ATP2B3: variants seen among roughly 807,000 people sequenced by gnomAD.
ATP2B3 encodes the protein ATPase plasma membrane Ca2+ transporting 3.
In ATP2B3, 12 loss-of-function variants were observed where a neutral mutation model predicts 70.8. That is an observed-to-expected ratio of 0.17 (90% CI 0.11 to 0.27). The LOEUF (loss-of-function observed/expected upper bound fraction) is 0.27. Ranked by LOEUF, ATP2B3 falls within the 10% of genes least tolerant of loss-of-function variation. The pLI is 1.00. For synonymous variants in ATP2B3, 460 were observed against 497.8 expected (o/e 0.92, Z 1.01); for missense variants, 858 against 1,118.5 (o/e 0.77, Z 3.32).
intron 2 of ATP2B3, among the ~76,000 whole-genome samples, chrX:153,525,734 C>T (rs1382227196): frequency 4.4e-5 from 5 of 112,429 alleles, no homozygotes; most frequent in Non-Finnish European, 7.5e-5. Flanking sequence ...GGGCTGTGGA[C>T]GGGTAGGGCA....
intron 7 of ATP2B3, among the ~76,000 whole-genome samples, 155 bp downstream of exon 7, chrX:153,543,323 C>G (rs1603055302): frequency 8.9e-6 from 1 of 112,278 alleles, no homozygotes; most frequent in South Asian, 3.7e-4. Flanking sequence ...CGTGGAGACT[C>G]CTCTTCTGAG....
intron 21 of ATP2B3, among the ~76,000 whole-genome samples, chrX:153,575,300 CA>C (rs2090841873): frequency 8.9e-6 from 1 of 112,699 alleles, no homozygotes; most frequent in Admixed American, 9.3e-5. Context: ...ACCCCTGCCC[CA>C]GGGGGATTAC....
chrX:153,543,289 G>C, intron 7 of ATP2B3, 121 bp downstream of exon 7: 2 of 968,362 alleles, frequency 2.1e-6, no homozygotes, highest in Non-Finnish European at 2.7e-6. Flanking sequence ...TGGGTGGGAG[G>C]CCGGGCCCTC....
Position 153,569,408 on chromosome X carries a change from G to A in ATP2B3, c.3342+4305G>A, listed in dbSNP as rs1471340308. 1.7e-5 allele frequency: 9 copies of A among 525,767 alleles called. No individual in the cohort carries two copies. The African/African-American group carries it at 1.8e-4, about 11-fold the overall frequency. 43.3% of individuals were successfully genotyped at this position (525,767 alleles called of 1,213,427 possible). A position where few individuals can be genotyped will look rare whatever the true frequency, so the allele number is the denominator to read the frequency against. Reference sequence around the variant, plus strand: ...CATCTGCTCAGCAAACCCTCTCTCGGTGGGTGGCACAGAGGCTGGCCTCAG... The same window carrying A: ...CATCTGCTCAGCAAACCCTCTCTCGATGGGTGGCACAGAGGCTGGCCTCAG... On this transcript the variant is annotated intron_variant, in intron 21 of 21. Transcript: ENST00000263519.
At chrX:153,531,188 C>T (rs2090112499) in intron 2 of ATP2B3, among the ~76,000 whole-genome samples, 1 of 113,012 alleles carries the variant, frequency 8.8e-6, no homozygotes, top group Admixed American at 9.2e-5. Context: ...AGCATCTCGA[C>T]CTGCCTAGGA....
At chrX:153,568,811 A>G (rs900577934) in intron 21 of ATP2B3, among the ~76,000 whole-genome samples, 3 of 112,681 alleles carry the variant, frequency 2.7e-5, no homozygotes, top group East Asian at 2.8e-4. Flanking sequence ...TGGCCACCAC[A>G]TAGCACTGCA....
At position 153,581,999 on chromosome X, in the gene ATP2B3, T is replaced by G. The variant is rs2090926437; in HGVS notation, c.*1701T>G. 8.9e-6 allele frequency: 1 copy of G among 111,922 alleles called. No homozygotes were observed. Among genetic ancestry groups the G allele is most frequent in the African/African-American group, 3.3e-5 (1 of 30,754 alleles). The allele number at this position is 111,922 out of a possible 1,213,427, so 9.2% of individuals were successfully genotyped here. A position where few individuals can be genotyped will look rare whatever the true frequency, so the allele number is the denominator to read the frequency against. On this transcript the variant is annotated 3_prime_UTR_variant, in exon 22 of 22. Transcript: ENST00000263519. ...GACCCTTGCCTTCCACACTTGCAGGTGTCACGTTTTGCAGGGAGGTGTTTG... is the reference window on the plus strand; with the variant it reads ...GACCCTTGCCTTCCACACTTGCAGGGGTCACGTTTTGCAGGGAGGTGTTTG...
intron 21 of ATP2B3, among the ~76,000 whole-genome samples, chrX:153,567,223 A>G (rs1032940458): frequency 8.8e-6 from 1 of 113,494 alleles, no homozygotes; most frequent in Non-Finnish European, 1.9e-5. Context: ...CCAGGGGTGC[A>G]GCACAGATAG....
intron 21 of ATP2B3, among the ~76,000 whole-genome samples, chrX:153,579,455 A>G (rs1236110265): frequency 8.9e-6 from 1 of 112,596 alleles, no homozygotes; most frequent in African/African-American, 3.2e-5. Context: ...ACCAGCAGGT[A>G]CTTCGGACTT....
chrX:153,529,172 G>A (rs1240641445), intron 2 of ATP2B3, among the ~76,000 whole-genome samples: 1 of 112,079 alleles, frequency 8.9e-6, no homozygotes, highest in African/African-American at 3.2e-5. Context: ...CTGAAGAAGT[G>A]CAGCAAAAAG....
chrX:153,565,225 G>C (rs2090687797), intron 21 of ATP2B3, 122 bp downstream of exon 21: 16 of 906,487 alleles, frequency 1.8e-5, no homozygotes, highest in African/African-American at 4.0e-5. Flanking sequence ...CTTTGGTCTT[G>C]CTGCCAAGGT....
chrX:153,576,466 C>T (rs1029000659), intron 21 of ATP2B3, among the ~76,000 whole-genome samples: 2 of 111,824 alleles, frequency 1.8e-5, no homozygotes, highest in Non-Finnish European at 1.9e-5. Flanking sequence ...TGCTGGTGGG[C>T]AGAGTTCAGC....
At chrX:153,550,754 G>A (rs1227196164) in intron 12 of ATP2B3, among the ~76,000 whole-genome samples, 1 of 111,112 alleles carries the variant, frequency 9.0e-6, no homozygotes, top group Non-Finnish European at 1.9e-5. Flanking sequence ...ATGCCACCAC[G>A]CCCAGCGAAT....
rs1131691962 is a variant in ATP2B3 at position 153,541,394 on chromosome X, A to G, written c.244A>G (p.Arg82Gly). The change falls in exon 4 of 22, where the codon AGG becomes GGG. Residue 82 changes from arginine to glycine, a missense_variant. Transcript: ENST00000263519. ...CAACACCAATGACCTGGAGAAGCGC[A>G]GGCAGATCTACGGGCAGAACTTCAT... is the stretch of plus-strand genomic sequence containing the variant. ...ADNTNDLEKR[R>G]QIYGQNFIPP... 11 of 1,212,004 alleles carry G rather than the reference A, an allele frequency of 9.1e-6. No individual in the cohort carries two copies. Among genetic ancestry groups the G allele is most frequent in the Non-Finnish European group, 1.1e-5 (10 of 895,584 alleles).
intron 21 of ATP2B3, among the ~76,000 whole-genome samples, chrX:153,578,818 G>A (rs1173853999): frequency 1.8e-5 from 2 of 112,399 alleles, no homozygotes. Context: ...GGAAGATGGA[G>A]GAGGAGACGG....
intron 2 of ATP2B3, among the ~76,000 whole-genome samples, chrX:153,532,086 G>A (rs1332264493): frequency 8.9e-6 from 1 of 112,413 alleles, no homozygotes; most frequent in Admixed American, 9.3e-5. Context: ...AAAAGCAGGA[G>A]GCTTCCTGAG....
In ATP2B3 at chrX:153,580,965, G is replaced by T. The variant is rs139366616; in HGVS notation, c.*667G>T. ...TGTGTGTGGATCTGTACACACACAC[G>T]TATATATGGCCAGATGCGTATTTCA... On this transcript the variant is annotated 3_prime_UTR_variant, in exon 22 of 22. Transcript: ENST00000263519. 8.9e-6 allele frequency: 1 copy of T among 111,852 alleles called. No homozygotes were observed. Among genetic ancestry groups the T allele is most frequent in the Non-Finnish European group, 1.9e-5 (1 of 53,059 alleles). The allele number at this position is 111,852 out of a possible 1,213,427, so 9.2% of individuals were successfully genotyped here. A position where few individuals can be genotyped will look rare whatever the true frequency, so the allele number is the denominator to read the frequency against.
At chrX:153,524,935 G>T (rs2124315071) in intron 2 of ATP2B3, among the ~76,000 whole-genome samples, 1 of 112,041 alleles carries the variant, frequency 8.9e-6, no homozygotes, top group Non-Finnish European at 1.9e-5. Context: ...CCGCAGATGA[G>T]TCCGGTCCCC....
At position 153,580,332 on chromosome X, in the gene ATP2B3, ACT is replaced by A. The variant is rs1557022624; in HGVS notation, c.*36_*37del. 8.7e-7 allele frequency: 1 copy of A among 1,152,204 alleles called. No homozygotes were observed. Among genetic ancestry groups the A allele is most frequent in the South Asian group, 1.9e-5 (1 of 52,549 alleles). The allele number at this position is 1,152,204 out of a possible 1,213,427, so 95.0% of individuals were successfully genotyped here. Reference sequence around the variant, plus strand: ...TGTCTCAGCACATGCGCACACGCACACTCGGACTCACACGAAGTCACACGCAC... The same window carrying A: ...TGTCTCAGCACATGCGCACACGCACACGGACTCACACGAAGTCACACGCAC... On this transcript the variant is annotated 3_prime_UTR_variant, in exon 22 of 22. Transcript: ENST00000263519.
Sources: allele counts gnomAD v4.1 joint callset (sites outside exome capture counted in the v4.1 genomes callset), GRCh38; gene constraint gnomAD v4.1.1; transcripts MANE v1.5; gene names NCBI Gene and HGNC (gene_info 2026-07-23, HGNC 2026-07-21).